The following RAD54L2 variants were observed in gnomAD, a reference collection of about 807,000 sequenced individuals.
RAD54L2 encodes helicase ARIP4.
RAD54L2 carries 27 observed loss-of-function variants against 138.4 expected under a neutral mutation model. The observed-to-expected ratio is 0.20, with a 90% CI of 0.14 to 0.27. RAD54L2 has a LOEUF of 0.27. RAD54L2 is among the 10% of genes least tolerant of loss of function. The probability of loss-of-function intolerance (pLI) is 1.00; values close to 1 mark genes in which losing one functional copy is unlikely to be tolerated. For synonymous variants in RAD54L2, 644 were observed against 723.2 expected, an observed-to-expected ratio of 0.89 and a Z score of 1.76; for missense variants, 1,396 against 1,890.2, an observed-to-expected ratio of 0.74 and a Z score of 4.85.
chr3:51,636,806 G>A (rs1246862797), intron 10 of RAD54L2, among the ~76,000 whole-genome samples: 1 of 152,182 alleles, frequency 6.6e-6, no homozygotes, highest in Non-Finnish European at 1.5e-5. Flanking sequence ...GGTGGCGCAT[G>A]CCTCTAATCC....
chr3:51,600,415 G>A (rs1700055296), intron 3 of RAD54L2, among the ~76,000 whole-genome samples: 1 of 152,134 alleles, frequency 6.6e-6, no homozygotes, highest in Non-Finnish European at 1.5e-5. Flanking sequence ...AGGAGTTCAA[G>A]ACTGGCCTGA....
rs58505964 is a variant in RAD54L2, at chr3:51,552,561, C to CTTTT, written c.-55+10934_-55+10937dup. ...ACAGGTGTGAGCCACTGCGCCTGGC[C>CTTTT]TTTTTTTTTTTTTTTTTTTTTTTTT... On this transcript the variant is annotated intron_variant, in intron 2 of 22. Transcript: ENST00000684192. 3.7e-4 allele frequency among the ~76,000 whole-genome samples: 40 copies of CTTTT among 106,726 alleles called. 1 individual carries two copies. Among genetic ancestry groups the CTTTT allele is most frequent in the African/African-American group, 1.4e-3 (37 of 25,908 alleles). The allele number at this position is 106,726 out of a possible 152,430, so 70.0% of individuals were successfully genotyped here.
intron 2 of RAD54L2, among the ~76,000 whole-genome samples, chr3:51,545,285 G>A (rs782507265): frequency 8.6e-5 from 13 of 151,876 alleles, no homozygotes; most frequent in Admixed American, 6.6e-5. Flanking sequence ...TCTGCCTCCC[G>A]GGTTCAAGTG....
At chr3:51,649,318 C>T (rs377121407) in intron 19 of RAD54L2, among the ~76,000 whole-genome samples, 163 of 152,238 alleles carry the variant, frequency 1.1e-3, no homozygotes, top group South Asian at 3.9e-3. Context: ...ACCAAATCTA[C>T]GTTTGATTGG....
intron 9 of RAD54L2, 148 bp from the exon 10 acceptor site, chr3:51,635,445 C>A: frequency 1.1e-6 from 1 of 884,230 alleles, no homozygotes; most frequent in Non-Finnish European, 1.6e-6. Context: ...CCTGTGCTTG[C>A]TGCCACATGA....
chr3:51,568,732 G>A (rs1699270658), intron 2 of RAD54L2, among the ~76,000 whole-genome samples: 1 of 152,212 alleles, frequency 6.6e-6, no homozygotes, highest in South Asian at 2.1e-4. Flanking sequence ...CCAGGTTGGA[G>A]AGTGTAGAAG....
chr3:51,598,095 ATATATATATATATATGTGTGTGTG>A (rs1435636843), intron 3 of RAD54L2, among the ~76,000 whole-genome samples: 7 of 141,632 alleles, frequency 4.9e-5, no homozygotes, highest in Admixed American at 1.4e-4. Flanking sequence ...AATACCCATG[ATATATATATATATATGTGTGTGTG>A]TATATATATA....
Position 51,663,161 on chromosome 3 carries a change from A to C in RAD54L2, c.4145A>C (p.Tyr1382Ser). 1 of 1,613,704 alleles carries C rather than the reference A, an allele frequency of 6.2e-7. No homozygotes were observed. The highest frequency in any genetic ancestry group is 8.5e-7 in the Non-Finnish European group (1 of 1,179,814). Residue 1382 changes from tyrosine to serine, a missense_variant, in exon 23 of 23, where the codon TAT becomes TCT. Around this residue, in one of 7 missense-constraint regions of RAD54L2, gnomAD observed 634 missense variants for 711.2 expected, o/e 0.89. Coordinates refer to ENST00000684192, the MANE Select transcript of RAD54L2 (RefSeq NM_015106.4). Reference sequence around the variant, plus strand: ...TCTGTGCCAGGGATACTACCCAGCTATTCACTCCCATTCTCACAGCCACTC... The same window carrying C: ...TCTGTGCCAGGGATACTACCCAGCTCTTCACTCCCATTCTCACAGCCACTC... Reference protein sequence around the residue: ...NPSVPGILPSYSLPFSQPLLS... With the variant: ...NPSVPGILPSSSLPFSQPLLS...
chr3:51,605,804 G>A (rs1700168166), intron 3 of RAD54L2, among the ~76,000 whole-genome samples: 1 of 152,172 alleles, frequency 6.6e-6, no homozygotes, highest in South Asian at 2.1e-4. Flanking sequence ...TTCTCAAACA[G>A]TAATTATAAT....
intron 2 of RAD54L2, among the ~76,000 whole-genome samples, chr3:51,548,831 T>TC (rs1461378131): frequency 2.0e-5 from 3 of 147,672 alleles, no homozygotes; most frequent in Non-Finnish European, 3.0e-5. Flanking sequence ...CTTTTTTTTT[T>TC]TTTTTTTTTT....
rs143305380 is a variant in RAD54L2, at chr3:51,574,308, G to A, written c.-54-16059G>A. On this transcript the variant is annotated intron_variant, in intron 2 of 22. Coordinates refer to ENST00000684192, the MANE Select transcript of RAD54L2 (RefSeq NM_015106.4). ...GTGAATAGTGCCACGATAAACATAC[G>A]TGTGCATGTGTCTTTATAGAAGCAT... 9.9e-3 allele frequency among the ~76,000 whole-genome samples: 1,511 copies of A among 152,198 alleles called. 16 individuals are homozygous for A. Among genetic ancestry groups the A allele is most frequent in the Non-Finnish European group, 0.017 (1,163 of 68,022 alleles).
At chr3:51,576,853 G>A (rs1336325165) in intron 2 of RAD54L2, among the ~76,000 whole-genome samples, 1 of 151,874 alleles carries the variant, frequency 6.6e-6, no homozygotes, top group Non-Finnish European at 1.5e-5. Flanking sequence ...ATTTCCTTCA[G>A]TTCTGCTCTG....
intron 2 of RAD54L2, among the ~76,000 whole-genome samples, chr3:51,567,989 A>C: frequency 6.6e-6 from 1 of 150,780 alleles, no homozygotes; most frequent in East Asian, 1.9e-4. Context: ...GGACATTTGG[A>C]TGTGAAGGTG....
chr3:51,625,816 T>C (rs1187196033), intron 3 of RAD54L2, among the ~76,000 whole-genome samples: 3 of 151,964 alleles, frequency 2.0e-5, no homozygotes, highest in Admixed American at 6.6e-5. Flanking sequence ...GAGGTATGAT[T>C]GTGCCACTGT....
At chr3:51,571,454 C>T (rs1328127314) in intron 2 of RAD54L2, among the ~76,000 whole-genome samples, 2 of 146,504 alleles carry the variant, frequency 1.4e-5, no homozygotes, top group Admixed American at 7.0e-5. Context: ...TGCAGTGGTG[C>T]GATCTCAGCT....
At chr3:51,641,994 CA>C (rs1172008487) in intron 15 of RAD54L2, 127 bp downstream of exon 15, 1 of 687,340 alleles carries the variant, frequency 1.5e-6, no homozygotes, top group African/African-American at 1.8e-5. Flanking sequence ...AGTCAAGGAG[CA>C]GGGGGATACT....
intron 21 of RAD54L2, among the ~76,000 whole-genome samples, chr3:51,658,199 C>T (rs936009040): frequency 2.5e-4 from 38 of 151,916 alleles, no homozygotes; most frequent in African/African-American, 8.7e-4. Context: ...CCCAACGTGC[C>T]GGGATTACAG....
intron 2 of RAD54L2, among the ~76,000 whole-genome samples, chr3:51,570,025 G>T (rs1482471830): frequency 6.6e-6 from 1 of 151,456 alleles, no homozygotes; most frequent in African/African-American, 2.4e-5. Context: ...TAGAGACAGG[G>T]TCTCACTATG....
chr3:51,610,841 A>C (rs1214586793), intron 3 of RAD54L2, among the ~76,000 whole-genome samples: 1 of 152,172 alleles, frequency 6.6e-6, no homozygotes, highest in African/African-American at 2.4e-5. Flanking sequence ...ACCGATTGAC[A>C]TGACCCTTAT....
Sources: allele counts gnomAD v4.1 joint callset (sites outside exome capture counted in the v4.1 genomes callset), GRCh38; gene constraint gnomAD v4.1.1; regional missense constraint gnomAD v4.1.1; transcripts MANE v1.5; gene names NCBI Gene and HGNC (gene_info 2026-07-23, HGNC 2026-07-21).